The following TBC1D4 variants were observed in gnomAD, a reference collection of about 807,000 sequenced individuals.
TBC1D4 encodes TBC (Tre-2, BUB2, CDC16) domain-containing protein.
Under a neutral mutation model 142.5 loss-of-function variants are expected in TBC1D4, and 121 were observed. The ratio of observed to expected loss-of-function variants is 0.85; its 90% CI spans 0.73 to 0.99. TBC1D4 has a LOEUF of 0.99. Among genes scored for constraint, TBC1D4 ranks in the 50% least tolerant of loss-of-function variants. The pLI is 0.00. For missense variants in TBC1D4, 1,475 were observed against 1,606.6 expected, an observed-to-expected ratio of 0.92 and a Z score of 1.40; for synonymous variants, 630 against 628.2, an observed-to-expected ratio of 1.00 and a Z score of -0.04.
intron 18 of TBC1D4, among the ~76,000 whole-genome samples, chr13:75,293,840 C>T (rs1186619433): frequency 6.6e-6 from 1 of 152,148 alleles, no homozygotes; most frequent in Admixed American, 6.5e-5. Context: ...CAACATATTT[C>T]CTTACTATTT....
At chr13:75,327,925 AATT>A in intron 8 of TBC1D4, 99 bp from the exon 9 acceptor site, 6 of 1,217,892 alleles carry the variant, frequency 4.9e-6, no homozygotes, top group Non-Finnish European at 6.0e-6. Flanking sequence ...GTTAGCATTA[AATT>A]GATCATTTTG....
chr13:75,340,771 A>G (rs1880619096), intron 7 of TBC1D4, among the ~76,000 whole-genome samples: 1 of 151,952 alleles, frequency 6.6e-6, no homozygotes, highest in Admixed American at 6.6e-5. Context: ...ACATGGAGAA[A>G]CCCCGTCTCT....
chr13:75,316,306 G>A (rs1424018410), intron 12 of TBC1D4, among the ~76,000 whole-genome samples: 1 of 152,090 alleles, frequency 6.6e-6, no homozygotes, highest in Non-Finnish European at 1.5e-5. Context: ...ATTTACATTA[G>A]CCCACTGATA....
At chr13:75,448,167 C>A (rs1887372059) in intron 1 of TBC1D4, among the ~76,000 whole-genome samples, 1 of 152,078 alleles carries the variant, frequency 6.6e-6, no homozygotes, top group Non-Finnish European at 1.5e-5. Context: ...CTGTCTTCTA[C>A]AGGGTCTTCA....
chr13:75,410,285 T>C (rs1885581715), intron 1 of TBC1D4, among the ~76,000 whole-genome samples: 1 of 152,228 alleles, frequency 6.6e-6, no homozygotes, highest in African/African-American at 2.4e-5. Context: ...TGCTATGGTC[T>C]GCCTAACCCA....
At chr13:75,300,300 A>C (rs1481764433) in intron 16 of TBC1D4, among the ~76,000 whole-genome samples, 1 of 152,174 alleles carries the variant, frequency 6.6e-6, no homozygotes, top group East Asian at 1.9e-4. Flanking sequence ...TTGAGCTGGC[A>C]ATGTGAGTCC....
In TBC1D4 at chr13:75,305,080, G is replaced by A. The variant is rs555257729; in HGVS notation, c.2752+1233C>T. Among the ~76,000 whole-genome samples the A allele has an allele frequency of 2.0e-5, 3 of 152,274 alleles. No individual in the cohort carries two copies. The East Asian group carries it at 5.8e-4, about 29-fold the overall frequency. On this transcript the variant is annotated intron_variant, in intron 15 of 20. Coordinates refer to ENST00000377636, the MANE Select transcript of TBC1D4 (RefSeq NM_014832.5). ...GGGCAGTTTCCCCCATACTGTTCCT[G>A]TGGTAGTGAGTAAGTCTCATGAAAT... is the stretch of plus-strand genomic sequence containing the variant.
At chr13:75,310,382 T>A (rs1049869120) in intron 13 of TBC1D4, among the ~76,000 whole-genome samples, 2 of 152,188 alleles carry the variant, frequency 1.3e-5, no homozygotes, top group African/African-American at 4.8e-5. Flanking sequence ...CACCACTTCT[T>A]CTTTCCACCC....
intron 1 of TBC1D4, among the ~76,000 whole-genome samples, chr13:75,476,235 T>G (rs905378964): frequency 6.6e-6 from 1 of 152,074 alleles, no homozygotes; most frequent in Admixed American, 6.5e-5. Context: ...AGTGCGAGAC[T>G]CCACCTCAAA....
At chr13:75,462,313 G>A (rs552028546) in intron 1 of TBC1D4, among the ~76,000 whole-genome samples, 5 of 152,248 alleles carry the variant, frequency 3.3e-5, no homozygotes, top group Admixed American at 3.3e-4. Flanking sequence ...CACATCTACA[G>A]ACCTAAAGTT....
chr13:75,327,789 T>C lies in TBC1D4; in HGVS notation c.1769A>G (p.Asp590Gly). 6.2e-7 allele frequency: 1 copy of C among 1,614,016 alleles called. No individual in the cohort carries two copies. The highest frequency in any genetic ancestry group is 8.5e-7 in the Non-Finnish European group (1 of 1,179,926). ...NRMRGRLGSV[D>G]SFERSNSLAS... ...AAGACTGTTGGACCGTTCAAAACTGTCCACACTTCCAAGCCGACCTCTCAT... is the reference window on the plus strand; with the variant it reads ...AAGACTGTTGGACCGTTCAAAACTGCCCACACTTCCAAGCCGACCTCTCAT... Residue 590 changes from aspartate (D) to glycine (G), a missense_variant, in exon 9 of 21, where the codon GAC (aspartate) becomes GGC (glycine). By Grantham distance (94) the Asp-to-Gly change is moderately conservative (BLOSUM62 -1). Transcript: ENST00000377636.
chr13:75,379,683 T>C (rs181999542), intron 1 of TBC1D4, among the ~76,000 whole-genome samples: 71 of 152,192 alleles, frequency 4.7e-4, no homozygotes, highest in African/African-American at 1.6e-3. Context: ...TAATTGACAT[T>C]AGAAGTTCTT....
intron 1 of TBC1D4, among the ~76,000 whole-genome samples, chr13:75,398,525 T>C (rs1442958207): frequency 2.6e-5 from 4 of 152,242 alleles, no homozygotes; most frequent in Non-Finnish European, 4.4e-5. Context: ...TCTAATGAAC[T>C]TGGGGGTCAA....
chr13:75,312,088 CTGTT>C (rs1458532561), intron 13 of TBC1D4, among the ~76,000 whole-genome samples: 3 of 152,032 alleles, frequency 2.0e-5, no homozygotes, highest in African/African-American at 7.2e-5. Context: ...ATTGTTCTAT[CTGTT>C]TGTTTACTGT....
chr13:75,410,794 G>A (rs1215909870), intron 1 of TBC1D4, among the ~76,000 whole-genome samples: 1 of 150,632 alleles, frequency 6.6e-6, no homozygotes, highest in East Asian at 1.9e-4. Context: ...AAATTAGCCG[G>A]GCGTGGTAGC....
intron 1 of TBC1D4, among the ~76,000 whole-genome samples, chr13:75,376,440 C>T (rs187193613): frequency 2.0e-5 from 3 of 148,782 alleles, no homozygotes; most frequent in East Asian, 2.0e-4. Flanking sequence ...TGCAATGGTG[C>T]GATCTTGGCT....
chr13:75,455,294 C>T (rs992418629), intron 1 of TBC1D4, among the ~76,000 whole-genome samples: 4 of 152,272 alleles, frequency 2.6e-5, no homozygotes, highest in Admixed American at 2.0e-4. Flanking sequence ...ATATCTCTGT[C>T]CTGAATTGAA....
chr13:75,434,402 C>G (rs558109782), intron 1 of TBC1D4, among the ~76,000 whole-genome samples: 1 of 152,174 alleles, frequency 6.6e-6, no homozygotes, highest in Middle Eastern at 3.4e-3. Flanking sequence ...CAAACTAACA[C>G]AGGAACAGAA....
chr13:75,405,058 T>C (rs1300266794), intron 1 of TBC1D4, among the ~76,000 whole-genome samples: 1 of 152,132 alleles, frequency 6.6e-6, no homozygotes, highest in Non-Finnish European at 1.5e-5. Context: ...CTTTCTTATG[T>C]ATGGGTCATT....
Sources: allele counts gnomAD v4.1 joint callset (sites outside exome capture counted in the v4.1 genomes callset), GRCh38; gene constraint gnomAD v4.1.1; transcripts MANE v1.5; gene names NCBI Gene and HGNC (gene_info 2026-07-23, HGNC 2026-07-21).